PREX1: variants seen among roughly 807,000 people sequenced by gnomAD.
PREX1 encodes phosphatidylinositol 3,4,5-trisphosphate-dependent Rac exchanger 1 protein.
In PREX1, 41 loss-of-function variants were observed where a neutral mutation model predicts 198.3. The observed-to-expected ratio is 0.21, with a 90% CI of 0.16 to 0.27. The LOEUF is 0.27. PREX1 is among the 10% of genes least tolerant of loss of function. The pLI is 1.00. For synonymous variants in PREX1, 843 were observed against 887.2 expected, an observed-to-expected ratio of 0.95 and a Z score of 0.89; for missense variants, 1,620 against 2,200.7, an observed-to-expected ratio of 0.74 and a Z score of 5.28.
chr20:48,754,796 C>T (rs943992355), intron 1 of PREX1, among the ~76,000 whole-genome samples: 2 of 151,814 alleles, frequency 1.3e-5, no homozygotes, highest in African/African-American at 4.8e-5. Flanking sequence ...GGCGGGGAGT[C>T]GGAAGCACAG....
At chr20:48,685,207 G>A (rs2089777226) in intron 10 of PREX1, among the ~76,000 whole-genome samples, 1 of 152,208 alleles carries the variant, frequency 6.6e-6, no homozygotes, top group African/African-American at 2.4e-5. Context: ...AACACTGAGT[G>A]GGTGAATGAA....
intron 7 of PREX1, among the ~76,000 whole-genome samples, chr20:48,698,650 C>T (rs1314579246): frequency 1.3e-5 from 2 of 152,098 alleles, no homozygotes; most frequent in African/African-American, 2.4e-5. Flanking sequence ...TGGGAGATAG[C>T]GGAAGCAGGA....
At chr20:48,635,307 G>A (rs1225687599) in intron 32 of PREX1, among the ~76,000 whole-genome samples, 1 of 152,074 alleles carries the variant, frequency 6.6e-6, no homozygotes, top group African/African-American at 2.4e-5. Context: ...AGGTTCAAGG[G>A]TCCACCATCT....
At chr20:48,823,520 A>C (rs1322686163) in intron 1 of PREX1, among the ~76,000 whole-genome samples, 3 of 152,196 alleles carry the variant, frequency 2.0e-5, no homozygotes, top group Non-Finnish European at 4.4e-5. Flanking sequence ...GTCCAAGTGG[A>C]AGAAGCCTGG....
At chr20:48,776,456 C>G (rs535972733) in intron 1 of PREX1, among the ~76,000 whole-genome samples, 9 of 152,290 alleles carry the variant, frequency 5.9e-5, no homozygotes, top group Non-Finnish European at 1.2e-4. Context: ...CAGCTGGACT[C>G]CTTGGCAACC....
chr20:48,714,489 C>T (rs1269312558), intron 5 of PREX1, among the ~76,000 whole-genome samples: 3 of 152,134 alleles, frequency 2.0e-5, no homozygotes, highest in African/African-American at 7.2e-5. Flanking sequence ...AGAAGATACA[C>T]AAATGTCCAA....
At chr20:48,701,202 C>T (rs1260977957) in intron 6 of PREX1, among the ~76,000 whole-genome samples, 2 of 151,982 alleles carry the variant, frequency 1.3e-5, no homozygotes, top group Non-Finnish European at 2.9e-5. Flanking sequence ...TATTTTGGTT[C>T]AGTTTTTGGT....
chr20:48,723,030 A>C (rs565625740), intron 5 of PREX1, among the ~76,000 whole-genome samples: 1 of 152,368 alleles, frequency 6.6e-6, no homozygotes, highest in African/African-American at 2.4e-5. Flanking sequence ...AAGTCAACAA[A>C]GCCTGAAATG....
intron 10 of PREX1, among the ~76,000 whole-genome samples, chr20:48,685,655 A>C (rs2089779662): frequency 6.6e-6 from 1 of 152,242 alleles, no homozygotes; most frequent in Admixed American, 6.5e-5. Flanking sequence ...GGCCAGGTGC[A>C]GTGGCTCACG....
At chr20:48,824,877 G>A (rs375932657) in intron 1 of PREX1, among the ~76,000 whole-genome samples, 48 of 152,212 alleles carry the variant, frequency 3.2e-4, no homozygotes, top group African/African-American at 9.4e-4. Flanking sequence ...TCCATGGGCC[G>A]ATGGGACCTT....
chr20:48,832,782 C>G (rs2090539915), upstream of PREX1, among the ~76,000 whole-genome samples: 1 of 152,232 alleles, frequency 6.6e-6, no homozygotes, highest in African/African-American at 2.4e-5. Flanking sequence ...CCAGGGGGCT[C>G]TGGTTCAAGG....
rs6122720 is a variant in PREX1 at position 48,734,558 on chromosome 20, G to A, written c.507C>T (p.Arg169=). 0.088 allele frequency: 142,294 copies of A among 1,613,378 alleles called. 7,200 individuals are homozygous for A. Among genetic ancestry groups the A allele is most frequent in the South Asian group, 0.17 (15,273 of 91,064 alleles). ...CGGGTCAACTTACCAAAAGGAAGGCGCGCACGGTAGGGATCTTGTTCAGCT... is the reference window on the plus strand; with the variant it reads ...CGGGTCAACTTACCAAAAGGAAGGCACGCACGGTAGGGATCTTGTTCAGCT... ...LVELNKIPTV[R]AFLLSCMLLG... The change falls in exon 4 of 40, where the codon CGC becomes CGT. Residue 169 remains arginine, a synonymous_variant. Coordinates refer to ENST00000371941, the MANE Select transcript of PREX1 (RefSeq NM_020820.4).
intron 1 of PREX1, among the ~76,000 whole-genome samples, chr20:48,750,356 C>T (rs2090128687): frequency 6.6e-6 from 1 of 152,164 alleles, no homozygotes; most frequent in African/African-American, 2.4e-5. Flanking sequence ...TAAATATGTA[C>T]AGGAGATCAG....
At chr20:48,820,882 A>G (rs2090481525) in intron 1 of PREX1, among the ~76,000 whole-genome samples, 1 of 152,228 alleles carries the variant, frequency 6.6e-6, no homozygotes, top group Non-Finnish European at 1.5e-5. Context: ...CTAGGGCCAG[A>G]AATGACCCCG....
chr20:48,769,947 C>A (rs935837039), intron 1 of PREX1, among the ~76,000 whole-genome samples: 1 of 152,174 alleles, frequency 6.6e-6, no homozygotes, highest in Non-Finnish European at 1.5e-5. Context: ...TTGTGCACTG[C>A]GGCAGCCTGG....
chr20:48,740,264 A>T (rs1339520348), intron 3 of PREX1, among the ~76,000 whole-genome samples: 1 of 152,194 alleles, frequency 6.6e-6, no homozygotes, highest in Non-Finnish European at 1.5e-5. Context: ...GCTGCAGTGG[A>T]TGCCATGGTG....
chr20:48,877,667 G>A, the PREX1 span, among the ~76,000 whole-genome samples: 5 of 152,190 alleles, frequency 3.3e-5, no homozygotes, highest in South Asian at 2.1e-4. Flanking sequence ...TAATAAATAC[G>A]AAAGATTAGA....
At chr20:48,803,979 C>T (rs2090398795) in intron 1 of PREX1, among the ~76,000 whole-genome samples, 1 of 152,220 alleles carries the variant, frequency 6.6e-6, no homozygotes, top group Non-Finnish European at 1.5e-5. Flanking sequence ...CTGAGTGATA[C>T]AGCTGTTACA....
intron 1 of PREX1, among the ~76,000 whole-genome samples, chr20:48,800,839 A>C (rs1207833083): frequency 6.6e-6 from 1 of 150,508 alleles, no homozygotes; most frequent in Non-Finnish European, 1.5e-5. Context: ...TTTTTTTTGT[A>C]GTGACAGGAT....
Sources: gnomAD v4.1 joint callset for allele counts (sites outside exome capture counted in the v4.1 genomes callset) on GRCh38, gnomAD v4.1.1 for gene constraint, MANE v1.5 for transcripts, NCBI Gene and HGNC (gene_info 2026-07-23, HGNC 2026-07-21) for gene names.